Variants in DSCAML1 observed in about 807,000 individuals in gnomAD.
DSCAML1 encodes the protein cell adhesion molecule DSCAML1.
In DSCAML1, 38 loss-of-function variants were observed where a neutral mutation model predicts 200.5. The ratio of observed to expected loss-of-function variants is 0.19; its 90% CI spans 0.15 to 0.25. The LOEUF (loss-of-function observed/expected upper bound fraction) is 0.25, where lower values mean the gene tolerates loss of function less well. Ranked by LOEUF, DSCAML1 falls within the 10% of genes least tolerant of loss-of-function variation. The pLI, the probability that DSCAML1 is intolerant of heterozygous loss-of-function variation, is 1.00. For synonymous variants in DSCAML1, 1,215 were observed against 1,165.0 expected (o/e 1.04, Z -0.87); for missense variants, 2,223 against 2,858.8 (o/e 0.78, Z 5.07).
chr11:117,646,024 A>G (rs1217902430), intron 3 of DSCAML1, among the ~76,000 whole-genome samples: 2 of 152,196 alleles, frequency 1.3e-5, no homozygotes, highest in African/African-American at 2.4e-5. Flanking sequence ...ATTAGCTGCG[A>G]TATGGTTAGC....
rs1788089876 is a variant in DSCAML1 at position 117,489,943 on chromosome 11, C to T, written c.2360-7781G>A. Among the ~76,000 whole-genome samples the T allele has an allele frequency of 6.6e-6, 1 of 152,208 alleles. No individual in the cohort carries two copies. Among genetic ancestry groups the T allele is most frequent in the Non-Finnish European group, 1.5e-5 (1 of 68,030 alleles). On this transcript the variant is annotated intron_variant, in intron 11 of 32. Transcript: ENST00000651296. The surrounding 1 kb of genome is among the most constrained non-coding windows in gnomAD (Gnocchi z 4.8). ...TACTGGGTATCTTTGCCGTCCTCCT[C>T]CAGTGCCCCAGGGCAGCCTGCCCCA...
chr11:117,628,605 C>T (rs1250527589), intron 3 of DSCAML1, among the ~76,000 whole-genome samples: 2 of 152,194 alleles, frequency 1.3e-5, no homozygotes, highest in African/African-American at 2.4e-5. Flanking sequence ...GCATCTCCTC[C>T]TTGGACTTGC....
intron 3 of DSCAML1, among the ~76,000 whole-genome samples, chr11:117,567,470 T>C (rs2050777598): frequency 6.6e-6 from 1 of 152,186 alleles, no homozygotes. Flanking sequence ...TTGTAGATTC[T>C]GGACACTAGC....
At chr11:117,632,771 A>C (rs534646615) in intron 3 of DSCAML1, among the ~76,000 whole-genome samples, 2 of 152,370 alleles carry the variant, frequency 1.3e-5, no homozygotes, top group South Asian at 4.1e-4. Context: ...CGTATCTAAC[A>C]GTAATACTAA....
intron 3 of DSCAML1, among the ~76,000 whole-genome samples, chr11:117,636,601 GC>G (rs775988041): frequency 6.6e-6 from 1 of 152,170 alleles, no homozygotes; most frequent in Non-Finnish European, 1.5e-5. Flanking sequence ...GGAGCAGGGA[GC>G]CACACTTCCC....
chr11:117,637,724 T>C (rs2052321436), intron 3 of DSCAML1, among the ~76,000 whole-genome samples: 1 of 152,122 alleles, frequency 6.6e-6, no homozygotes, highest in African/African-American at 2.4e-5. Context: ...TAGGGAAAAG[T>C]GGCAAAGGAA....
chr11:117,647,698 G>A (rs1191805589), intron 3 of DSCAML1, among the ~76,000 whole-genome samples: 3 of 152,182 alleles, frequency 2.0e-5, no homozygotes, highest in Non-Finnish European at 4.4e-5. Flanking sequence ...CTGATTAGCA[G>A]AAAGCAAAAG....
chr11:117,553,008 T>C (rs2050495841), intron 3 of DSCAML1, among the ~76,000 whole-genome samples: 1 of 152,200 alleles, frequency 6.6e-6, no homozygotes. Flanking sequence ...TACAAATGTT[T>C]TTGGGTTGGC....
chr11:117,634,527 G>T (rs763134826), intron 3 of DSCAML1, among the ~76,000 whole-genome samples: 6 of 152,160 alleles, frequency 3.9e-5, no homozygotes, highest in Non-Finnish European at 8.8e-5. Context: ...AAGATGTGGC[G>T]GGCCTGGGGA....
chr11:117,721,936 A>C (rs948896019), intron 3 of DSCAML1, among the ~76,000 whole-genome samples: 2 of 152,056 alleles, frequency 1.3e-5, no homozygotes. Flanking sequence ...TGATGTTTAA[A>C]ATGTAAGTCA....
chr11:117,539,630 A>AAAAAAAAAAAAAAAAAT, intron 3 of DSCAML1, among the ~76,000 whole-genome samples: 1 of 140,592 alleles, frequency 7.1e-6, no homozygotes, highest in Non-Finnish European at 1.5e-5. Context: ...AAAAAAAAAA[A>AAAAAAAAAAAAAAAAAT]GGAATAAAGG....
intron 3 of DSCAML1, among the ~76,000 whole-genome samples, chr11:117,589,982 A>G (rs1032774869): frequency 1.3e-5 from 2 of 152,240 alleles, no homozygotes; most frequent in Non-Finnish European, 2.9e-5. Flanking sequence ...ATCACATCAG[A>G]GCTCCTAAAC....
intron 1 of DSCAML1, among the ~76,000 whole-genome samples, chr11:117,816,345 C>T (rs1189307122): frequency 5.9e-5 from 9 of 152,232 alleles, no homozygotes; most frequent in Non-Finnish European, 8.8e-5. Flanking sequence ...ATCCATCTTC[C>T]CAGCCAGTGA....
chr11:117,608,521 C>T (rs1161027437), intron 3 of DSCAML1, among the ~76,000 whole-genome samples: 1 of 152,040 alleles, frequency 6.6e-6, no homozygotes, highest in Non-Finnish European at 1.5e-5. Context: ...TTCCTGCTTA[C>T]TTCACTTAAC....
Position 117,564,670 on chromosome 11 carries a change from CTCCT to C in DSCAML1, c.512-32152_512-32149del, listed in dbSNP as rs201385716. Among the ~76,000 whole-genome samples, 878 of 150,592 alleles carry C rather than the reference CTCCT, an allele frequency of 5.8e-3. 3 individuals are homozygous for C. Among genetic ancestry groups the C allele is most frequent in the African/African-American group, 0.017 (713 of 40,974 alleles). On this transcript the variant is annotated intron_variant, in intron 3 of 32. Transcript: ENST00000651296. ...TTCTTTCTTTCTTTTTCTTTCCTTC[CTCCT>C]TCCTTCCTTCCTTCCTATCCTTCCT...
rs545209753 is a variant in DSCAML1, at chr11:117,664,685, T to A, written c.511+112106A>T. On this transcript the variant is annotated intron_variant, in intron 3 of 32. Transcript: ENST00000651296. ...CCTCGCATTTTTGGTTGACGAGTGT[T>A]ATGAGTATTCATGGATTTTTGCGGA... Among the ~76,000 whole-genome samples the A allele has an allele frequency of 3.9e-5, 6 of 152,360 alleles. 1 individual carries two copies. In the South Asian group the frequency reaches 1.2e-3, roughly 32 times the overall value.
rs113999879 is a variant in DSCAML1, at chr11:117,528,264, C to T, written c.659-3181G>A. On this transcript the variant is annotated intron_variant, in intron 4 of 32. Transcript: ENST00000651296. Reference sequence around the variant, plus strand: ...TAATTGATGCAAAATACACAAATTCCGTGGCACACTGCAGAATTTACAAGC... The same window carrying T: ...TAATTGATGCAAAATACACAAATTCTGTGGCACACTGCAGAATTTACAAGC... 2.3e-3 allele frequency among the ~76,000 whole-genome samples: 343 copies of T among 150,974 alleles called. 2 individuals are homozygous for T. Among genetic ancestry groups the T allele is most frequent in the Middle Eastern group, 6.8e-3 (2 of 292 alleles).
chr11:117,719,280 C>A (rs1282392530), intron 3 of DSCAML1, among the ~76,000 whole-genome samples: 2 of 152,010 alleles, frequency 1.3e-5, no homozygotes, highest in African/African-American at 2.4e-5. Context: ...GCTAAAAATC[C>A]AAAAAATAAA....
intron 3 of DSCAML1, among the ~76,000 whole-genome samples, chr11:117,597,027 T>C (rs566066349): frequency 2.4e-4 from 37 of 152,316 alleles, no homozygotes; most frequent in African/African-American, 8.9e-4. Context: ...AAGCACAATA[T>C]AAATTTTTAT....
Sources: allele counts gnomAD v4.1 joint callset (sites outside exome capture counted in the v4.1 genomes callset), GRCh38; gene constraint gnomAD v4.1.1; non-coding constraint Gnocchi (gnomAD v3.1); transcripts MANE v1.5; gene names NCBI Gene and HGNC (gene_info 2026-07-23, HGNC 2026-07-21).